The following ZNF727 variants were observed in gnomAD, a reference collection of about 807,000 sequenced individuals.
ZNF727 encodes zinc finger protein 727.
ZNF727 carries 11 observed loss-of-function variants against 11.5 expected under a neutral mutation model. The ratio of observed to expected loss-of-function variants is 0.95; its 90% CI spans 0.60 to 1.58. The LOEUF is 1.58. Among genes scored for constraint, ZNF727 ranks in the 40% most tolerant of loss-of-function variants. The probability of loss-of-function intolerance (pLI) is 0.00; values close to 1 mark genes in which losing one functional copy is unlikely to be tolerated. For synonymous variants in ZNF727, 171 were observed against 196.1 expected, an observed-to-expected ratio of 0.87 and a Z score of 1.07; for missense variants, 533 against 581.7, an observed-to-expected ratio of 0.92 and a Z score of 0.86.
chr7:64,053,486 A>G (rs961545961), intron 1 of ZNF727, among the ~76,000 whole-genome samples: 1 of 151,914 alleles, frequency 6.6e-6, no homozygotes, highest in African/African-American at 2.4e-5. Context: ...ATGCCCAGGT[A>G]AATTTTGTAT....
intron 1 of ZNF727, among the ~76,000 whole-genome samples, chr7:64,066,439 G>A (rs562543980): frequency 6.6e-6 from 1 of 152,208 alleles, no homozygotes; most frequent in South Asian, 2.1e-4. Flanking sequence ...GCATGGTACT[G>A]GTACCAAAAC....
chr7:64,046,681 C>A (rs1331021272), intron 1 of ZNF727, among the ~76,000 whole-genome samples: 1 of 152,226 alleles, frequency 6.6e-6, no homozygotes, highest in Non-Finnish European at 1.5e-5. Flanking sequence ...AGTTAATCCT[C>A]TTTCTTATAA....
At position 64,077,711 on chromosome 7, in the gene ZNF727, T is replaced by C. The variant is rs1467774253; in HGVS notation, c.662T>C (p.Val221Ala). Residue 221 changes from valine to alanine, a missense_variant, in exon 4 of 4, where the codon GTT (valine) becomes GCT (alanine). This residue lies in a region of ZNF727 where 463 missense variants were observed against 494.5 expected (regional missense o/e 0.94). Coordinates refer to ENST00000456806, the MANE Select transcript of ZNF727 (RefSeq NM_001159522.3). ...KFSNLTEHNR[V>A]HTGKKPYKCE... Reference sequence around the variant, plus strand: ...TCAAACCTTACTGAACATAATAGAGTTCATACTGGAAAGAAACCCTACAAA... The same window carrying C: ...TCAAACCTTACTGAACATAATAGAGCTCATACTGGAAAGAAACCCTACAAA... 2 of 1,578,524 alleles carry C rather than the reference T, an allele frequency of 1.3e-6. No individual in the cohort carries two copies. Among genetic ancestry groups the C allele is most frequent in the African/African-American group, 2.7e-5 (2 of 73,662 alleles).
At chr7:64,054,479 A>C (rs1022463221) in intron 1 of ZNF727, among the ~76,000 whole-genome samples, 13 of 152,070 alleles carry the variant, frequency 8.5e-5, no homozygotes, top group African/African-American at 2.7e-4. Context: ...GCATGAGACT[A>C]TTCACCCTTT....
At chr7:64,069,179 T>A (rs1332668622) in intron 2 of ZNF727, among the ~76,000 whole-genome samples, 162 bp downstream of exon 2, 2 of 152,090 alleles carry the variant, frequency 1.3e-5, no homozygotes, top group African/African-American at 4.8e-5. Flanking sequence ...TTAAGATGTT[T>A]CATCTTAACA....
intron 3 of ZNF727, among the ~76,000 whole-genome samples, chr7:64,075,786 C>T (rs563655078): frequency 1.4e-4 from 22 of 152,124 alleles, no homozygotes; most frequent in African/African-American, 4.6e-4. Context: ...GGTACTGTGC[C>T]GTCTACCTGA....
chr7:64,068,815 CTT>C, intron 1 of ZNF727, 74 bp from the exon 2 acceptor site: 8 of 1,515,322 alleles, frequency 5.3e-6, no homozygotes, highest in Non-Finnish European at 5.4e-6. Flanking sequence ...AACCAGCTCT[CTT>C]TACTCTCATT....
chr7:64,049,455 T>C (rs949056417), intron 1 of ZNF727, among the ~76,000 whole-genome samples: 1 of 152,110 alleles, frequency 6.6e-6, no homozygotes. Context: ...GTACACTCTG[T>C]ATGTAAAATT....
chr7:64,050,583 G>A (rs1789577886), intron 1 of ZNF727, among the ~76,000 whole-genome samples: 1 of 152,180 alleles, frequency 6.6e-6, no homozygotes, highest in Admixed American at 6.5e-5. Context: ...GACAGTTTGA[G>A]ATTTTGTTTT....
At chr7:64,066,374 A>G (rs1237094329) in intron 1 of ZNF727, among the ~76,000 whole-genome samples, 4 of 152,222 alleles carry the variant, frequency 2.6e-5, no homozygotes, top group Non-Finnish European at 5.9e-5. Context: ...ACAAAGCTGG[A>G]GGCATCATGC....
At chr7:64,070,458 A>C (rs1010703548) in intron 3 of ZNF727, among the ~76,000 whole-genome samples, 1 of 151,998 alleles carries the variant, frequency 6.6e-6, no homozygotes. Context: ...ACATGTGTAT[A>C]TATGAATGTG....
rs559827345 is a variant in ZNF727, at chr7:64,068,160, CTGACAGA to C, written c.4-729_4-723del. On this transcript the variant is annotated intron_variant, in intron 1 of 3. Coordinates refer to ENST00000456806, the MANE Select transcript of ZNF727 (RefSeq NM_001159522.3). ...TTTATTTACTTGGTAAAAATGCTCT[CTGACAGA>C]TATTTTTTCACTCGAGTTAATTATT... Among the ~76,000 whole-genome samples the C allele has an allele frequency of 7.7e-4, 116 of 151,408 alleles. 2 individuals carry two copies. Among genetic ancestry groups the C allele is most frequent in the African/African-American group, 2.8e-3 (113 of 40,778 alleles).
At chr7:64,062,572 T>C (rs547718474) in intron 1 of ZNF727, among the ~76,000 whole-genome samples, 1 of 151,564 alleles carries the variant, frequency 6.6e-6, no homozygotes, top group East Asian at 1.9e-4. Flanking sequence ...TCTTTTCTCT[T>C]GCTGCTTTTA....
intron 1 of ZNF727, among the ~76,000 whole-genome samples, chr7:64,064,328 G>A (rs148399267): frequency 1.3e-5 from 2 of 152,084 alleles, no homozygotes; most frequent in African/African-American, 4.8e-5. Context: ...GCCAGAACTG[G>A]TACCTTCCCT....
chr7:64,064,716 T>C (rs965765801), intron 1 of ZNF727, among the ~76,000 whole-genome samples: 16 of 152,160 alleles, frequency 1.1e-4, no homozygotes. Flanking sequence ...TACCTGAAAC[T>C]AAAGTTTTGA....
At chr7:64,060,813 T>C (rs1789758436) in intron 1 of ZNF727, among the ~76,000 whole-genome samples, 1 of 152,076 alleles carries the variant, frequency 6.6e-6, no homozygotes, top group Non-Finnish European at 1.5e-5. Flanking sequence ...AAACTTTTTT[T>C]GATGTAGGCA....
chr7:64,069,590 G>A lies in ZNF727; in HGVS notation c.207G>A (p.Lys69=). 6.4e-7 allele frequency: 1 copy of A among 1,562,446 alleles called. No homozygotes were observed. Among genetic ancestry groups the A allele is most frequent in the South Asian group, 1.2e-5 (1 of 85,370 alleles). Residue 69 remains lysine, a synonymous_variant, in exon 3 of 4, where the codon AAG becomes AAA. Transcript: ENST00000456806. ...RKEPWNARRQ[K]TVAKHPAGSL... is the part of the protein sequence containing the mutation. ...AGCCTTGGAATGCGAGGAGACAGAA[G>A]ACAGTAGCCAAACACCCAGGTAGGT...
chr7:64,054,722 T>G (rs915406789), intron 1 of ZNF727, among the ~76,000 whole-genome samples: 1 of 152,218 alleles, frequency 6.6e-6, no homozygotes, highest in African/African-American at 2.4e-5. Context: ...ATTGTGGAAT[T>G]TTTTATAACT....
intron 3 of ZNF727, among the ~76,000 whole-genome samples, chr7:64,072,488 C>T (rs1789977403): frequency 6.6e-6 from 1 of 152,138 alleles, no homozygotes; most frequent in Admixed American, 6.6e-5. Context: ...TCAGGTCACT[C>T]TCTGGGCACC....
Sources: allele counts gnomAD v4.1 joint callset (sites outside exome capture counted in the v4.1 genomes callset), GRCh38; gene constraint gnomAD v4.1.1; regional missense constraint gnomAD v4.1.1; transcripts MANE v1.5; gene names NCBI Gene and HGNC (gene_info 2026-07-23, HGNC 2026-07-21).